Variants in LARGE1 observed in about 807,000 individuals in gnomAD.
LARGE1 encodes the protein xylosyl- and glucuronyltransferase LARGE1.
LARGE1 carries 43 observed loss-of-function variants against 87.6 expected under a neutral mutation model. That is an observed-to-expected ratio of 0.49 (90% CI 0.38 to 0.63). The LOEUF is 0.63. LARGE1 is among the 30% of genes least tolerant of loss of function. The pLI, the probability that LARGE1 is intolerant of heterozygous loss-of-function variation, is 0.00. For synonymous variants in LARGE1, 434 were observed against 394.6 expected (o/e 1.10, Z -1.18); for missense variants, 802 against 1,000.2 (o/e 0.80, Z 2.67).
chr22:33,386,053 T>C lies in LARGE1; in HGVS notation c.893-1749A>G, dbSNP rs139825150. On this transcript the variant is annotated intron_variant, in intron 7 of 14. Coordinates refer to ENST00000397394, the MANE Select transcript of LARGE1 (RefSeq NM_133642.5). ...GGAAAAAAAATAGTATCTATATGGC[T>C]ATGGGAAGATTGGGTTAATACACAG... 4.7e-4 allele frequency among the ~76,000 whole-genome samples: 70 copies of C among 148,894 alleles called. 5 individuals are homozygous for C. Among genetic ancestry groups the C allele is most frequent in the African/African-American group, 1.6e-3 (64 of 41,116 alleles).
chr22:33,174,498 A>G (rs958566654), intron 11 of LARGE1, among the ~76,000 whole-genome samples: 1 of 152,230 alleles, frequency 6.6e-6, no homozygotes, highest in Admixed American at 6.5e-5. Context: ...TCAGAGCAGA[A>G]CCAAAGGAGA....
the LARGE1 span, among the ~76,000 whole-genome samples, chr22:33,103,161 C>A: frequency 8.9e-4 from 135 of 152,100 alleles, 1 homozygote; most frequent in African/African-American, 3.1e-3. Context: ...CAGCCGGGTG[C>A]GTTGGCTCAC....
intron 2 of LARGE1, chr22:33,704,969 C>T (rs1334373534): frequency 6.6e-6 from 1 of 152,332 alleles, no homozygotes; most frequent in African/African-American, 2.4e-5. Context: ...GACCCAGGCA[C>T]AAGAAACCTG....
At chr22:33,786,281 A>C (rs897105234) in intron 1 of LARGE1, among the ~76,000 whole-genome samples, 2 of 152,196 alleles carry the variant, frequency 1.3e-5, no homozygotes, top group African/African-American at 4.8e-5. Context: ...GTTCTTATTC[A>C]AGCATATTAA....
chr22:33,862,202 A>G (rs896749177), intron 1 of LARGE1, among the ~76,000 whole-genome samples: 1 of 152,144 alleles, frequency 6.6e-6, no homozygotes, highest in Non-Finnish European at 1.5e-5. Flanking sequence ...TCTGTCCTCG[A>G]GAGCTCACGG....
chr22:33,084,489 T>A, the LARGE1 span, among the ~76,000 whole-genome samples: 5 of 150,282 alleles, frequency 3.3e-5, no homozygotes, highest in African/African-American at 1.2e-4. Flanking sequence ...TGAGACCTTG[T>A]CTCTCGAAAA....
At chr22:33,675,907 C>T (rs1296184884) in intron 2 of LARGE1, among the ~76,000 whole-genome samples, 1 of 145,350 alleles carries the variant, frequency 6.9e-6, no homozygotes, top group African/African-American at 2.9e-5. Flanking sequence ...GGTCATTCAG[C>T]TGGTAAGTGA....
intron 1 of LARGE1, among the ~76,000 whole-genome samples, chr22:33,887,684 T>C (rs2064893566): frequency 6.6e-6 from 1 of 151,644 alleles, no homozygotes; most frequent in Non-Finnish European, 1.5e-5. Context: ...TTGTGGTGAG[T>C]TGACATCGTG....
chr22:33,198,669 ACACACACG>A lies in LARGE1; in HGVS notation c.1731-31845_1731-31838del, dbSNP rs1246354629. Among the ~76,000 whole-genome samples the A allele has an allele frequency of 5.6e-5, 8 of 143,862 alleles. No individual in the cohort carries two copies. In the East Asian group the frequency reaches 1.2e-3, roughly 21 times the overall value. 94.4% of individuals were successfully genotyped at this position (143,862 alleles called of 152,430 possible). On this transcript the variant is annotated intron_variant, in intron 11 of 11. Transcript: ENST00000608642. Reference sequence around the variant, plus strand: ...CACACACACACACACACACACACACACACACACGTATCTAAAATACTATACTACATGGA... The same window carrying A: ...CACACACACACACACACACACACACATATCTAAAATACTATACTACATGGA...
chr22:33,823,067 A>T (rs1160816052), intron 1 of LARGE1, among the ~76,000 whole-genome samples: 1 of 152,208 alleles, frequency 6.6e-6, no homozygotes, highest in Non-Finnish European at 1.5e-5. Context: ...AATCTTTGTT[A>T]TTTCAACCAC....
intron 11 of LARGE1, among the ~76,000 whole-genome samples, chr22:33,190,735 T>C (rs952430353): frequency 1.6e-4 from 24 of 152,306 alleles, no homozygotes; most frequent in African/African-American, 5.5e-4. Context: ...CTCTTGGTCT[T>C]TGTTCTCCAT....
chr22:33,111,460 C>T, the LARGE1 span, among the ~76,000 whole-genome samples: 8 of 152,168 alleles, frequency 5.3e-5, no homozygotes, highest in Non-Finnish European at 1.0e-4. Flanking sequence ...ATTTGGAAAG[C>T]AGAAACCCAC....
intron 3 of LARGE1, among the ~76,000 whole-genome samples, chr22:33,636,967 C>T (rs761033007): frequency 1.3e-4 from 20 of 152,126 alleles, no homozygotes; most frequent in Admixed American, 5.9e-4. Context: ...CTAAGCTGAA[C>T]GTTCTATATC....
chr22:33,637,686 C>G (rs1380044934), intron 3 of LARGE1, among the ~76,000 whole-genome samples: 1 of 152,184 alleles, frequency 6.6e-6, no homozygotes, highest in African/African-American at 2.4e-5. Flanking sequence ...AATGAGAATT[C>G]CAATCATGTC....
rs776646564 is a variant in LARGE1 at position 33,548,360 on chromosome 22, C to T, written c.787+16488G>A. On this transcript the variant is annotated intron_variant, in intron 6 of 14. Transcript: ENST00000397394. ...ACTGCCATGTTTCCTGTACAGCCTG[C>T]AGAACTGTGAGCCAATTAAATCTCT... Among the ~76,000 whole-genome samples, 5 of 152,308 alleles carry T rather than the reference C, an allele frequency of 3.3e-5. No individual in the cohort carries two copies. In the East Asian group the frequency reaches 9.6e-4, roughly 29 times the overall value.
chr22:33,420,624 A>G (rs2147567846), intron 7 of LARGE1, among the ~76,000 whole-genome samples: 1 of 152,296 alleles, frequency 6.6e-6, no homozygotes, highest in African/African-American at 2.4e-5. Context: ...GAAGGAAGAC[A>G]GTTTCTCCCC....
chr22:33,301,855 A>G (rs990583605), intron 12 of LARGE1, among the ~76,000 whole-genome samples: 2 of 152,234 alleles, frequency 1.3e-5, no homozygotes, highest in Non-Finnish European at 2.9e-5. Context: ...GCAGTGAACG[A>G]TGCCTTTAAT....
chr22:33,412,892 C>A (rs2066358133), intron 7 of LARGE1, among the ~76,000 whole-genome samples: 2 of 152,216 alleles, frequency 1.3e-5, no homozygotes, highest in Non-Finnish European at 2.9e-5. Context: ...ATATCTTGGC[C>A]TCAGGTGATC....
At chr22:33,278,259 A>G (rs968941022) in intron 13 of LARGE1, among the ~76,000 whole-genome samples, 2 of 152,142 alleles carry the variant, frequency 1.3e-5, no homozygotes, top group Non-Finnish European at 2.9e-5. Flanking sequence ...AGGCCTAGGA[A>G]CGAAAGGAGA....
Sources: gnomAD v4.1 joint callset for allele counts (sites outside exome capture counted in the v4.1 genomes callset) on GRCh38, gnomAD v4.1.1 for gene constraint, MANE v1.5 for transcripts, NCBI Gene and HGNC (gene_info 2026-07-23, HGNC 2026-07-21) for gene names.